Variants in KRT28 observed in about 807,000 individuals in gnomAD.
KRT28 encodes keratin 28.
In KRT28, 45 loss-of-function variants were observed where a neutral mutation model predicts 48.1. The ratio of observed to expected loss-of-function variants is 0.94; its 90% CI spans 0.74 to 1.20. The LOEUF is 1.20. KRT28 is among the 50% of genes most tolerant of loss of function. KRT28 has a pLI of 0.00. For synonymous variants in KRT28, 228 were observed against 227.4 expected (o/e 1.00, Z -0.03); for missense variants, 571 against 574.1 (o/e 0.99, Z 0.06).
At chr17:40,798,421 C>A (rs903730257) in intron 2 of KRT28, 30 bp from the exon 3 acceptor site, 9 of 1,579,632 alleles carry the variant, frequency 5.7e-6, no homozygotes, top group Non-Finnish European at 7.8e-6. Context: ...AATTTCAGTG[C>A]CAGTAAGACT....
At chr17:40,798,601 A>T (rs1301685548) in intron 2 of KRT28, among the ~76,000 whole-genome samples, 1 of 152,264 alleles carries the variant, frequency 6.6e-6, no homozygotes, top group African/African-American at 2.4e-5. Flanking sequence ...TTCCAATAGC[A>T]TAACCTAGTT....
Position 40,799,667 on chromosome 17 carries a change from C to G in KRT28, c.227G>C (p.Gly76Ala), listed in dbSNP as rs1408753034. ...LGNAACIGFAGSEGGLLSGNE... is the reference protein window; with the variant it reads ...LGNAACIGFAASEGGLLSGNE... Reference sequence around the variant, plus strand: ...TCCAGAGAGGAGTCCCCCTTCGCTTCCAGCAAAGCCAATACAAGCAGCATT... The same window carrying G: ...TCCAGAGAGGAGTCCCCCTTCGCTTGCAGCAAAGCCAATACAAGCAGCATT... The change falls in exon 1 of 8, where the codon GGA (glycine) becomes GCA (alanine). Residue 76 changes from glycine to alanine, a missense_variant. Coordinates refer to ENST00000306658, the MANE Select transcript of KRT28 (RefSeq NM_181535.3). The G allele has an allele frequency of 6.2e-7, 1 of 1,614,178 alleles. No individual in the cohort carries two copies. Among genetic ancestry groups the G allele is most frequent in the Non-Finnish European group, 8.5e-7 (1 of 1,180,032 alleles).
chr17:40,798,878 A>T (rs1398920743), intron 2 of KRT28, 39 bp downstream of exon 2: 1 of 1,314,026 alleles, frequency 7.6e-7, no homozygotes, highest in Non-Finnish European at 1.1e-6. Flanking sequence ...AAATAAATAG[A>T]AACTTTTTTC....
rs1567691495 is a variant in KRT28, at chr17:40,797,219, CG to C, written c.752del (p.Pro251ArgfsTer3). 1 of 1,614,186 alleles carries C rather than the reference CG, an allele frequency of 6.2e-7. No individual in the cohort carries two copies. The highest frequency in any genetic ancestry group is 8.5e-7 in the Non-Finnish European group (1 of 1,180,028). ...GNVNVEMNAAPGVDLAVLLNN... is the reference protein window; with the variant it reads ...GNVNVEMNAAXGVDLAVLLNN... ...TCAACAAAACCGCGAGGTCTACCCC[CG>C]GGGCCGCGTTCATCTCCACGTTCAC... is the stretch of plus-strand genomic sequence containing the variant. On this transcript the variant is annotated frameshift_variant, in exon 4 of 8. Transcript: ENST00000306658. LOFTEE classifies it high-confidence loss of function.
At chr17:40,798,659 C>T (rs1288461519) in intron 2 of KRT28, among the ~76,000 whole-genome samples, 1 of 151,982 alleles carries the variant, frequency 6.6e-6, no homozygotes. Flanking sequence ...AACGTTTTTC[C>T]TTAGTTGACT....
Position 40,798,935 on chromosome 17 carries a change from G to A in KRT28, c.515C>T (p.Ala172Val). 1 of 1,606,094 alleles carries A rather than the reference G, an allele frequency of 6.2e-7. No homozygotes were observed. The highest frequency in any genetic ancestry group is 2.2e-5 in the East Asian group (1 of 44,466). Residue 172 changes from alanine to valine, a missense_variant, in exon 2 of 8, where the codon GCT becomes GTT. Coordinates refer to ENST00000306658, the MANE Select transcript of KRT28 (RefSeq NM_181535.3). ...CACTTACTTTAGCCTGAAATCATCA[G>A]CAGCCAGTCTGGCATTATCAATCTG... Reference protein sequence around the residue: ...ILQIDNARLAADDFRLKYENE... With the variant: ...ILQIDNARLAVDDFRLKYENE...
Position 40,799,889 on chromosome 17 carries a change from G to T in KRT28, c.5C>A (p.Ser2Tyr), listed in dbSNP as rs1350103253. M[S>Y]LQFSNGSRHV... ...CCTGGATCCATTAGAAAATTGGAGA[G>T]ACATGGTGTTTTGAGAAATGTTCAC... Residue 2 changes from serine to tyrosine, a missense_variant, in exon 1 of 8, where the codon TCT becomes TAT. Ser to Tyr is a moderately radical substitution (Grantham distance 144, BLOSUM62 -2). Coordinates refer to ENST00000306658, the MANE Select transcript of KRT28 (RefSeq NM_181535.3). 1 of 1,607,882 alleles carries T rather than the reference G, an allele frequency of 6.2e-7. No individual in the cohort carries two copies. Among genetic ancestry groups the T allele is most frequent in the Admixed American group, 1.7e-5 (1 of 59,824 alleles).
chr17:40,795,963 A>C (rs1904603664), intron 5 of KRT28, among the ~76,000 whole-genome samples: 1 of 152,100 alleles, frequency 6.6e-6, no homozygotes, highest in African/African-American at 2.4e-5. Flanking sequence ...GGGAGAGGAG[A>C]AGAGGGCCAT....
In KRT28 at chr17:40,799,703, C is replaced by T. The variant is rs768712949; in HGVS notation, c.191G>A (p.Gly64Asp). Residue 64 changes from glycine (G) to aspartate (D), a missense_variant, in exon 1 of 8, where the codon GGT becomes GAT. Coordinates refer to ENST00000306658, the MANE Select transcript of KRT28 (RefSeq NM_181535.3). The stretch of plus-strand genomic sequence containing the variant: ...AATACAAGCAGCATTTCCAAGGGCA[C>T]CACCAGCATGGCTCCCACCAGGAAC... ...GSVPGGSHAG[G>D]ALGNAACIGF... is the part of the protein sequence containing the mutation. 6.2e-7 allele frequency: 1 copy of T among 1,613,960 alleles called. No homozygotes were observed. The highest frequency in any genetic ancestry group is 8.5e-7 in the Non-Finnish European group (1 of 1,180,016).
rs761845064 is a variant in KRT28, at chr17:40,797,102, A to G, written c.852+18T>C. The G allele has an allele frequency of 1.2e-5, 20 of 1,612,768 alleles. No individual in the cohort carries two copies. Among genetic ancestry groups the G allele is most frequent in the Middle Eastern group, 3.3e-4 (2 of 6,072 alleles). On this transcript the variant is annotated intron_variant, in intron 4 of 7. Transcript: ENST00000306658. ...CACCCCCGGGGAGGTGTGAGCAGGG[A>G]GACGGGGCCCACCTCACCTTCTCAT...
Position 40,799,789 on chromosome 17 carries a change from T to C in KRT28, c.105A>G (p.Ala35=), listed in dbSNP as rs543781326. 3 of 1,613,896 alleles carry C rather than the reference T, an allele frequency of 1.9e-6. No individual in the cohort carries two copies. The highest frequency in any genetic ancestry group is 2.2e-5 in the South Asian group (2 of 91,068). Residue 35 remains alanine, a synonymous_variant, in exon 1 of 8, where the codon GCA becomes GCG. Transcript: ENST00000306658. ...CACTTCCAGCAACAGAGCCACCACA[T>C]GCACTGCTGCCTGCAAAGCCTGCAC... ...NGGAGFAGSS[A]CGGSVAGSEF...
At chr17:40,792,825 C>T (rs897643723) in intron 7 of KRT28, among the ~76,000 whole-genome samples, 1 of 152,254 alleles carries the variant, frequency 6.6e-6, no homozygotes, top group South Asian at 2.1e-4. Flanking sequence ...AGAAATAGAA[C>T]TAGAGGGCTC....
At chr17:40,796,795 C>G (rs1011011442) in intron 5 of KRT28, 121 bp downstream of exon 5, 4 of 1,330,248 alleles carry the variant, frequency 3.0e-6, no homozygotes, top group African/African-American at 1.5e-5. Flanking sequence ...CTCCTCCACT[C>G]TCTCTGCTAA....
chr17:40,794,202 A>T (rs575674025), intron 5 of KRT28, among the ~76,000 whole-genome samples, 156 bp from the exon 6 acceptor site: 1 of 152,316 alleles, frequency 6.6e-6, no homozygotes, highest in African/African-American at 2.4e-5. Context: ...GCTGGCATTT[A>T]TGAAGTGAGG....
chr17:40,793,240 T>A, intron 6 of KRT28, 30 bp from the exon 7 acceptor site: 1 of 1,366,238 alleles, frequency 7.3e-7, no homozygotes, highest in South Asian at 1.4e-5. Context: ...TATTCTTTTA[T>A]ATTTCTGCTT....
intron 2 of KRT28, among the ~76,000 whole-genome samples, chr17:40,798,685 A>G (rs1904678314): frequency 6.6e-6 from 1 of 152,206 alleles, no homozygotes. Context: ...TTTACTGAGC[A>G]TCTACTTTGT....
chr17:40,792,919 G>T (rs555540056), intron 7 of KRT28, among the ~76,000 whole-genome samples: 50 of 152,170 alleles, frequency 3.3e-4, no homozygotes, highest in African/African-American at 1.2e-3. Flanking sequence ...GGCCAACATG[G>T]TGAAACTCCG....
chr17:40,799,695 C>T lies in KRT28; in HGVS notation c.199G>A (p.Gly67Arg). 1 of 1,614,072 alleles carries T rather than the reference C, an allele frequency of 6.2e-7. No individual in the cohort carries two copies. Among genetic ancestry groups the T allele is most frequent in the East Asian group, 2.2e-5 (1 of 44,882 alleles). Residue 67 changes from glycine to arginine, a missense_variant, in exon 1 of 8, where the codon GGA becomes AGA. By Grantham distance (125) the Gly-to-Arg change is moderately radical (BLOSUM62 -2). Coordinates refer to ENST00000306658, the MANE Select transcript of KRT28 (RefSeq NM_181535.3). Reference protein sequence around the residue: ...PGGSHAGGALGNAACIGFAGS... With the variant: ...PGGSHAGGALRNAACIGFAGS... ...GCAAAGCCAATACAAGCAGCATTTCCAAGGGCACCACCAGCATGGCTCCCA... is the reference window on the plus strand; with the variant it reads ...GCAAAGCCAATACAAGCAGCATTTCTAAGGGCACCACCAGCATGGCTCCCA...
intron 6 of KRT28, 146 bp downstream of exon 6, chr17:40,793,683 C>CA: frequency 9.8e-6 from 7 of 717,630 alleles, no homozygotes; most frequent in Non-Finnish European, 1.6e-5. Flanking sequence ...GAAGAGATGA[C>CA]TCTCTTCCAA....
Sources: allele counts gnomAD v4.1 joint callset (sites outside exome capture counted in the v4.1 genomes callset), GRCh38; gene constraint gnomAD v4.1.1; transcripts MANE v1.5; gene names NCBI Gene and HGNC (gene_info 2026-07-23, HGNC 2026-07-21).